The following DAB2 variants were observed in gnomAD, a reference collection of about 807,000 sequenced individuals.
DAB2 encodes the protein DAB adaptor protein 2.
A neutral mutation model predicts 71.6 loss-of-function variants in DAB2; 28 were observed. The ratio of observed to expected loss-of-function variants is 0.39; its 90% CI spans 0.29 to 0.54. The LOEUF is 0.54. Among genes scored for constraint, DAB2 ranks in the 20% least tolerant of loss-of-function variants. The probability of loss-of-function intolerance (pLI) is 0.68; values close to 1 mark genes in which losing one functional copy is unlikely to be tolerated. For synonymous variants in DAB2, 345 were observed against 339.7 expected, an observed-to-expected ratio of 1.02 and a Z score of -0.17; for missense variants, 867 against 928.8, an observed-to-expected ratio of 0.93 and a Z score of 0.86.
At chr5:39,394,140 G>A in intron 2 of DAB2, 90 bp downstream of exon 2, 2 of 1,050,830 alleles carry the variant, frequency 1.9e-6, no homozygotes, top group East Asian at 2.5e-5. Context: ...GAAGATCAGA[G>A]CCAGCCCTTA....
rs997830882 is a variant in DAB2, at chr5:39,377,118, G to T, written c.1669C>A (p.Gln557Lys). 1 of 1,614,134 alleles carries T rather than the reference G, an allele frequency of 6.2e-7. No individual in the cohort carries two copies. The highest frequency in any genetic ancestry group is 8.5e-7 in the Non-Finnish European group (1 of 1,180,020). ...GTSPAVSGWN[Q>K]PSPFAASTPP... ...GTTGAGGCTGCAAAGGGTGAAGGCT[G>T]GTTCCAACCTGAAACAGCTGGACTT... is the stretch of plus-strand genomic sequence containing the variant. The change falls in exon 12 of 15, where the codon CAG becomes AAG. Residue 557 changes from glutamine (Q) to lysine (K), a missense_variant. Coordinates refer to ENST00000320816, the MANE Select transcript of DAB2 (RefSeq NM_001343.4).
chr5:39,407,093 C>A (rs771157253), intron 1 of DAB2, among the ~76,000 whole-genome samples: 3 of 152,194 alleles, frequency 2.0e-5, no homozygotes, highest in Non-Finnish European at 4.4e-5. Flanking sequence ...CTACAATCCT[C>A]CCTCATCATA....
chr5:39,424,256 A>C (rs2112123387), intron 1 of DAB2, among the ~76,000 whole-genome samples: 1 of 150,598 alleles, frequency 6.6e-6, no homozygotes, highest in East Asian at 1.9e-4. Flanking sequence ...AAGTTTCTTA[A>C]GTCCCTTGGG....
intron 9 of DAB2, chr5:39,388,053 C>T (rs1282245127): frequency 7.8e-6 from 3 of 386,100 alleles, no homozygotes; most frequent in African/African-American, 2.1e-5. Flanking sequence ...TAAGTGATAC[C>T]AAGAAGGACT....
chr5:39,416,900 A>G (rs1755860650), intron 1 of DAB2, among the ~76,000 whole-genome samples: 2 of 152,126 alleles, frequency 1.3e-5, no homozygotes, highest in Non-Finnish European at 2.9e-5. Context: ...CCTTAATCTT[A>G]GGTTAAGCAA....
rs781341846 is a variant in DAB2, at chr5:39,394,266, C to T, written c.55G>A (p.Ala19Thr). ...ATNGQPDQQA[A>T]PKAPSKKEKK... ...TCCTTCTTTGAGGGTGCTTTTGGTG[C>T]GGCCTGTTGGTCGGGCTGACCATTG... Residue 19 changes from alanine (A) to threonine (T), a missense_variant, in exon 2 of 15, where the codon GCA (alanine) becomes ACA (threonine). Transcript: ENST00000320816. The T allele has an allele frequency of 3.3e-5, 54 of 1,613,936 alleles. No individual in the cohort carries two copies. The highest frequency in any genetic ancestry group is 1.6e-4 in the East Asian group (7 of 44,902).
chr5:39,380,957 A>G (rs1754967935), intron 11 of DAB2, among the ~76,000 whole-genome samples: 1 of 152,210 alleles, frequency 6.6e-6, no homozygotes, highest in East Asian at 1.9e-4. Context: ...AGCTGGGCCC[A>G]GAACCTAGGA....
rs200561912 is a variant in DAB2, at chr5:39,382,962, T to G, written c.997A>C (p.Asn333His). The stretch of plus-strand genomic sequence containing the variant: ...TCAACATCACCATTCAGGGGCCCAT[T>G]ACTCAGCGGAGTAGACGAGCTACTC... ...NSSSSSTPLS[N>H]GPLNGDVDYF... Residue 333 changes from asparagine to histidine, a missense_variant, in exon 10 of 15, where the codon AAT becomes CAT. By Grantham distance (68) the Asn-to-His change is moderately conservative. Coordinates refer to ENST00000320816, the MANE Select transcript of DAB2 (RefSeq NM_001343.4). 1 of 1,614,142 alleles carries G rather than the reference T, an allele frequency of 6.2e-7. No homozygotes were observed. The highest frequency in any genetic ancestry group is 2.2e-5 in the East Asian group (1 of 44,864).
chr5:39,402,627 A>T (rs1755528862), intron 1 of DAB2, among the ~76,000 whole-genome samples: 1 of 152,170 alleles, frequency 6.6e-6, no homozygotes, highest in Admixed American at 6.5e-5. Flanking sequence ...CATGTTGTCC[A>T]GGCTGATCTT....
At chr5:39,381,721 G>A in intron 10 of DAB2, 105 bp from the exon 11 acceptor site, 1 of 1,301,806 alleles carries the variant, frequency 7.7e-7, no homozygotes, top group Non-Finnish European at 1.1e-6. Context: ...GCCACAAAAA[G>A]GAAAACTTTT....
chr5:39,390,051 C>T (rs1320187508), intron 5 of DAB2, 119 bp from the exon 6 acceptor site: 2 of 712,542 alleles, frequency 2.8e-6, no homozygotes, highest in Non-Finnish European at 4.6e-6. Context: ...GCCTTACTAC[C>T]CTCTGCTGGC....
intron 1 of DAB2, among the ~76,000 whole-genome samples, chr5:39,412,036 A>C (rs1755743688): frequency 6.6e-6 from 1 of 152,138 alleles, no homozygotes; most frequent in African/African-American, 2.4e-5. Context: ...CCCTTCTCCG[A>C]GTCTGTCATT....
intron 2 of DAB2, 35 bp downstream of exon 2, chr5:39,394,195 C>T (rs768057002): frequency 1.3e-6 from 2 of 1,543,138 alleles, no homozygotes; most frequent in Non-Finnish European, 1.8e-6. Flanking sequence ...CCATCTCTAG[C>T]TCCCTTCCTT....
rs748088070 is a variant in DAB2, at chr5:39,376,033, A to C, written c.2211T>G (p.Pro737=). The C allele has an allele frequency of 3.5e-5, 57 of 1,614,018 alleles. No homozygotes were observed. ...TKSTDNAFEN[P]FFKDSFGSSQ... The stretch of plus-strand genomic sequence containing the variant: ...ATGAACCAAAAGAATCTTTAAAGAA[A>C]GGGTTCTCAAATGCATTGTCAGTAG... The change falls in exon 13 of 15, where the codon CCT becomes CCG. Residue 737 remains proline (P), a synonymous_variant. Transcript: ENST00000320816.
At chr5:39,383,459 T>C (rs1164142360) in intron 9 of DAB2, among the ~76,000 whole-genome samples, 188 bp from the exon 10 acceptor site, 1 of 152,158 alleles carries the variant, frequency 6.6e-6, no homozygotes, top group African/African-American at 2.4e-5. Context: ...ACTAGGTCCT[T>C]TCTATTCCTC....
intron 1 of DAB2, among the ~76,000 whole-genome samples, chr5:39,403,452 A>T (rs1755544964): frequency 6.6e-6 from 1 of 152,218 alleles, no homozygotes. Flanking sequence ...GAACAAGAAG[A>T]TAGCTTAGCA....
chr5:39,411,302 A>G (rs528005475), intron 1 of DAB2, among the ~76,000 whole-genome samples: 22 of 152,320 alleles, frequency 1.4e-4, no homozygotes, highest in Admixed American at 1.3e-3. Flanking sequence ...GGTTCATAAA[A>G]AACATAATAC....
rs764847502 is a variant in DAB2 at position 39,375,132 on chromosome 5, G to GA, written c.2248-49dup. The GA allele has an allele frequency of 5.7e-6, 8 of 1,412,746 alleles. No individual in the cohort carries two copies. In the East Asian group the frequency reaches 1.8e-4, roughly 32 times the overall value. The allele number at this position is 1,412,746 out of a possible 1,614,324, so 87.5% of individuals were successfully genotyped here. On this transcript the variant is annotated intron_variant, in intron 13 of 14. Coordinates refer to ENST00000320816, the MANE Select transcript of DAB2 (RefSeq NM_001343.4). ...TCAATAAATACAGTTACAGTCATAA[G>GA]AAAAAAATCGCAATGAAGACTTCCA... is the stretch of plus-strand genomic sequence containing the variant.
intron 1 of DAB2, among the ~76,000 whole-genome samples, chr5:39,414,837 TACTC>T (rs534238118): frequency 6.6e-5 from 10 of 152,150 alleles, no homozygotes; most frequent in African/African-American, 2.4e-4. Flanking sequence ...TGGCTTGAGT[TACTC>T]ACTCACCTGG....
Sources: gnomAD v4.1 joint callset for allele counts (sites outside exome capture counted in the v4.1 genomes callset) on GRCh38, gnomAD v4.1.1 for gene constraint, MANE v1.5 for transcripts, NCBI Gene and HGNC (gene_info 2026-07-23, HGNC 2026-07-21) for gene names.